The following COL14A1 variants were observed in gnomAD, a reference collection of about 807,000 sequenced individuals.
The protein encoded by COL14A1 is collagen alpha-1(XIV) chain.
Under a neutral mutation model 230.3 loss-of-function variants are expected in COL14A1, and 136 were observed. The ratio of observed to expected loss-of-function variants is 0.59; its 90% CI spans 0.51 to 0.68. The LOEUF is 0.68. Among genes scored for constraint, COL14A1 ranks in the 30% least tolerant of loss-of-function variants. The pLI, the probability that COL14A1 is intolerant of heterozygous loss-of-function variation, is 0.00. For synonymous variants in COL14A1, 792 were observed against 784.1 expected (o/e 1.01, Z -0.17); for missense variants, 1,976 against 2,215.8 (o/e 0.89, Z 2.17).
chr8:120,328,941 G>C (rs2130193129), intron 40 of COL14A1, among the ~76,000 whole-genome samples: 1 of 152,276 alleles, frequency 6.6e-6, no homozygotes, highest in African/African-American at 2.4e-5. Flanking sequence ...TTGCTGGGCA[G>C]TTGTGTTGGC....
chr8:120,366,405 A>G (rs1823407456), intron 45 of COL14A1, among the ~76,000 whole-genome samples: 1 of 152,232 alleles, frequency 6.6e-6, no homozygotes, highest in South Asian at 2.1e-4. Flanking sequence ...AAAAACAGAC[A>G]GCAAAGATCT....
At chr8:120,207,189 T>TC (rs1817463677) in intron 10 of COL14A1, 95 bp downstream of exon 10, 7 of 1,083,800 alleles carry the variant, frequency 6.5e-6, no homozygotes, top group Admixed American at 3.2e-5. Flanking sequence ...ATAAGATTAT[T>TC]CCGTCACAGA....
intron 43 of COL14A1, among the ~76,000 whole-genome samples, chr8:120,341,755 G>C (rs1822305280): frequency 6.6e-6 from 1 of 152,180 alleles, no homozygotes; most frequent in Admixed American, 6.5e-5. Context: ...GCACTCCTGG[G>C]CTTTTTGATG....
At chr8:120,321,956 T>C (rs940477064) in intron 40 of COL14A1, among the ~76,000 whole-genome samples, 2 of 152,282 alleles carry the variant, frequency 1.3e-5, no homozygotes, top group Middle Eastern at 3.4e-3. Context: ...AGATAGTATA[T>C]TGTGTGAGAC....
chr8:120,180,068 C>A (rs1182717416), intron 5 of COL14A1, among the ~76,000 whole-genome samples: 1 of 152,064 alleles, frequency 6.6e-6, no homozygotes, highest in South Asian at 2.1e-4. Flanking sequence ...AAGACTTAAA[C>A]ATAAGACCTG....
rs1325465659 is a variant in COL14A1 at position 120,345,524 on chromosome 8, C to T, written c.5038C>T (p.Pro1680Ser). The change falls in exon 45 of 48, where the codon CCC (proline) becomes TCC (serine). Residue 1680 changes from proline to serine, a missense_variant. By Grantham distance (74) the Pro-to-Ser change is moderately conservative. Transcript: ENST00000297848. The part of the protein sequence containing the change: ...EQGPPGTPGF[P>S]GNAGVPGTPG... ...AGGACCCCCAGGCACACCAGGCTTC[C>T]CCGGAAATGCAGGCGTGCCAGGGAC... is the stretch of plus-strand genomic sequence containing the variant. 2.5e-6 allele frequency: 4 copies of T among 1,571,880 alleles called. No individual in the cohort carries two copies. The highest frequency in any genetic ancestry group is 1.4e-5 in the African/African-American group (1 of 71,912).
At chr8:120,148,434 T>C (rs1815170116) in intron 2 of COL14A1, among the ~76,000 whole-genome samples, 1 of 152,192 alleles carries the variant, frequency 6.6e-6, no homozygotes, top group South Asian at 2.1e-4. Flanking sequence ...CCTGGCCTAT[T>C]CTTAAAGTGC....
At chr8:120,292,367 A>G (rs1356699842) in intron 34 of COL14A1, among the ~76,000 whole-genome samples, 2 of 152,298 alleles carry the variant, frequency 1.3e-5, no homozygotes, top group Admixed American at 6.5e-5. Context: ...CAATAATTAA[A>G]GAGTTCTTTG....
intron 4 of COL14A1, among the ~76,000 whole-genome samples, chr8:120,164,539 A>G (rs1301621086): frequency 6.6e-6 from 1 of 152,166 alleles, no homozygotes; most frequent in Non-Finnish European, 1.5e-5. Context: ...CCAACCCAAT[A>G]TTTTGTGAAT....
At chr8:120,277,789 A>G (rs1283481124) in intron 26 of COL14A1, 1 of 160,602 alleles carries the variant, frequency 6.2e-6, no homozygotes, top group Admixed American at 6.3e-5. Flanking sequence ...CTGAAGGTTG[A>G]AAAACTGCCT....
chr8:120,281,156 T>A (rs1820026189), intron 31 of COL14A1, 97 bp downstream of exon 31: 1 of 1,131,286 alleles, frequency 8.8e-7, no homozygotes, highest in African/African-American at 1.6e-5. Context: ...TAGTCCCAGG[T>A]AGGATTTTCC....
intron 34 of COL14A1, among the ~76,000 whole-genome samples, chr8:120,292,795 GA>G (rs1820411812): frequency 6.6e-6 from 1 of 152,068 alleles, no homozygotes; most frequent in Admixed American, 6.5e-5. Context: ...CCAGATGGTG[GA>G]AGTCTAAACA....
chr8:120,203,429 C>T (rs1316533752), intron 8 of COL14A1, among the ~76,000 whole-genome samples: 5 of 151,910 alleles, frequency 3.3e-5, no homozygotes, highest in East Asian at 1.9e-4. Flanking sequence ...TACATATGCT[C>T]GCTCTTCCCT....
chr8:120,233,169 C>T (rs1818332249), intron 19 of COL14A1, among the ~76,000 whole-genome samples: 1 of 152,020 alleles, frequency 6.6e-6, no homozygotes, highest in Non-Finnish European at 1.5e-5. Flanking sequence ...GGATATTAGC[C>T]ATTTGTCAGA....
chr8:120,312,335 C>A (rs1347952856), intron 37 of COL14A1, among the ~76,000 whole-genome samples: 2 of 152,128 alleles, frequency 1.3e-5, no homozygotes, highest in Non-Finnish European at 2.9e-5. Context: ...TATGCTTCCT[C>A]TTCCTCTGGG....
chr8:120,368,375 C>A (rs184661006), intron 46 of COL14A1, among the ~76,000 whole-genome samples: 3 of 152,054 alleles, frequency 2.0e-5, no homozygotes, highest in African/African-American at 7.2e-5. Flanking sequence ...GTAAATATTT[C>A]TGTTATTAGA....
Position 120,370,896 on chromosome 8 carries a change from T to A in COL14A1, c.5312-256T>A, listed in dbSNP as rs557737447. On this transcript the variant is annotated intron_variant, in intron 47 of 47. Transcript: ENST00000297848. ...TGCTGAGTTTTCAGGGTTTCTTCTG[T>A]AAATAAAACATAATATTTAAATGGT... 20 of 1,221,504 alleles carry A rather than the reference T, an allele frequency of 1.6e-5. No individual in the cohort carries two copies. The African/African-American group carries it at 2.9e-4, about 18-fold the overall frequency. The allele number at this position is 1,221,504 out of a possible 1,614,324, so 75.7% of individuals were successfully genotyped here.
At chr8:120,281,185 G>A in intron 31 of COL14A1, 126 bp downstream of exon 31, 2 of 852,622 alleles carry the variant, frequency 2.3e-6, no homozygotes, top group Non-Finnish European at 3.5e-6. Flanking sequence ...TAGAGTAGAA[G>A]ATATTTACAT....
chr8:120,289,868 A>G (rs1820319310), intron 34 of COL14A1, 102 bp downstream of exon 34: 4 of 1,135,792 alleles, frequency 3.5e-6, no homozygotes, highest in Non-Finnish European at 5.0e-6. Context: ...AAAAAGATGA[A>G]TGGATAAATG....
Sources: gnomAD v4.1 joint callset for allele counts (sites outside exome capture counted in the v4.1 genomes callset) on GRCh38, gnomAD v4.1.1 for gene constraint, MANE v1.5 for transcripts, NCBI Gene and HGNC (gene_info 2026-07-23, HGNC 2026-07-21) for gene names.